The following TAFA5 variants were observed in gnomAD, a reference collection of about 807,000 sequenced individuals.
TAFA5 encodes the protein TAFA chemokine like family member 5.
In TAFA5, 6 loss-of-function variants were observed where a neutral mutation model predicts 15.3. That is an observed-to-expected ratio of 0.39 (90% CI 0.21 to 0.77). The LOEUF (loss-of-function observed/expected upper bound fraction) is 0.77, where lower values mean the gene tolerates loss of function less well. Among genes scored for constraint, TAFA5 ranks in the 30% least tolerant of loss-of-function variants. The probability of loss-of-function intolerance (pLI) is 0.41; values close to 1 mark genes in which losing one functional copy is unlikely to be tolerated. For synonymous variants in TAFA5, 103 were observed against 80.7 expected (o/e 1.28, Z -1.48); for missense variants, 161 against 193.1 (o/e 0.83, Z 0.98).
intron 2 of TAFA5, among the ~76,000 whole-genome samples, chr22:48,658,375 C>T (rs541788927): frequency 5.9e-5 from 9 of 152,360 alleles, no homozygotes; most frequent in South Asian, 2.1e-4. Flanking sequence ...CCATGGCAGA[C>T]GCCAGATGGA....
intron 1 of TAFA5, among the ~76,000 whole-genome samples, chr22:48,643,443 C>T (rs964218765): frequency 3.9e-5 from 6 of 152,112 alleles, no homozygotes; most frequent in African/African-American, 4.8e-5. Context: ...GTTTGGGGAC[C>T]GCCTGGGTGA....
At chr22:48,503,255 G>C (rs1454947160) in intron 1 of TAFA5, among the ~76,000 whole-genome samples, 1 of 152,236 alleles carries the variant, frequency 6.6e-6, no homozygotes, top group Non-Finnish European at 1.5e-5. Flanking sequence ...CGGGAGCATG[G>C]GTGGGGTGTG....
At chr22:48,614,300 G>A (rs1280140432) in intron 1 of TAFA5, among the ~76,000 whole-genome samples, 1 of 152,220 alleles carries the variant, frequency 6.6e-6, no homozygotes, top group Non-Finnish European at 1.5e-5. Flanking sequence ...CCCCACAACT[G>A]TTTATGCCGT....
At position 48,730,790 on chromosome 22, in the gene TAFA5, G is replaced by A. The variant is rs577123621; in HGVS notation, c.391-19049G>A. ...CTGCATTCTGACAGCTCCACTGACC[G>A]GCCAGTCCCGTCTCTCCTCTCCACG... On this transcript the variant is annotated intron_variant, in intron 3 of 3. Transcript: ENST00000402357. Among the ~76,000 whole-genome samples, 10 of 152,182 alleles carry A rather than the reference G, an allele frequency of 6.6e-5. No individual in the cohort carries two copies. In the South Asian group the frequency reaches 1.5e-3, roughly 22 times the overall value.
rs1489285017 is a variant in TAFA5 at position 48,665,837 on chromosome 22, G to A, written c.262+19091G>A. On this transcript the variant is annotated intron_variant, in intron 2 of 3. Coordinates refer to ENST00000402357, the MANE Select transcript of TAFA5 (RefSeq NM_001082967.3). ...CAGGCGCCCTCCCGAGAACGCTAAC[G>A]AACCAGGGCCCTCTCTGTTTTCCTT... Among the ~76,000 whole-genome samples, 5 of 151,974 alleles carry A rather than the reference G, an allele frequency of 3.3e-5. No homozygotes were observed. In the East Asian group the frequency reaches 5.8e-4, roughly 18 times the overall value.
intron 1 of TAFA5, among the ~76,000 whole-genome samples, chr22:48,641,895 A>C (rs1298551196): frequency 2.0e-5 from 3 of 152,176 alleles, no homozygotes; most frequent in Admixed American, 2.0e-4. Context: ...TCTTAAAAGC[A>C]ATGCAAACTC....
At chr22:48,501,167 G>C (rs8136796) in intron 1 of TAFA5, among the ~76,000 whole-genome samples, 26,912 of 152,074 alleles carry the variant, frequency 0.18, 2,815 homozygotes, top group African/African-American at 0.29. Context: ...CCCTCCCTCC[G>C]CGCTGCCACA....
intron 1 of TAFA5, among the ~76,000 whole-genome samples, chr22:48,608,539 A>G (rs77515409): frequency 0.031 from 4,778 of 151,834 alleles, 246 homozygotes; most frequent in African/African-American, 0.11. Context: ...AGCTACGTCT[A>G]TTTTTTCCCC....
At chr22:48,618,375 T>C (rs2147179468) in intron 1 of TAFA5, among the ~76,000 whole-genome samples, 2 of 152,328 alleles carry the variant, frequency 1.3e-5, no homozygotes, top group South Asian at 4.2e-4. Context: ...GTGGGATAGA[T>C]TGAATTAGAA....
At chr22:48,614,781 T>C (rs1170402058) in intron 1 of TAFA5, among the ~76,000 whole-genome samples, 1 of 152,228 alleles carries the variant, frequency 6.6e-6, no homozygotes. Flanking sequence ...TCACACCTTC[T>C]GTGCCGCACA....
At chr22:48,731,090 G>A (rs531955289) in intron 3 of TAFA5, among the ~76,000 whole-genome samples, 3 of 152,166 alleles carry the variant, frequency 2.0e-5, no homozygotes, top group Non-Finnish European at 4.4e-5. Context: ...GATAAGAAAG[G>A]GATAGAAAGT....
intron 1 of TAFA5, among the ~76,000 whole-genome samples, chr22:48,574,540 C>T (rs1053526768): frequency 6.6e-6 from 1 of 152,162 alleles, no homozygotes; most frequent in Non-Finnish European, 1.5e-5. Flanking sequence ...GGCCAGGCCT[C>T]TTTCCCTTCC....
At chr22:48,736,289 A>G (rs564443813) in intron 3 of TAFA5, among the ~76,000 whole-genome samples, 1 of 38,574 alleles carries the variant, frequency 2.6e-5, no homozygotes. Context: ...GCACTCCTAG[A>G]GTCCATCCCC....
chr22:48,682,416 C>T (rs1248656982), intron 2 of TAFA5, among the ~76,000 whole-genome samples: 1 of 152,222 alleles, frequency 6.6e-6, no homozygotes, highest in Non-Finnish European at 1.5e-5. Flanking sequence ...ACCCAGAGCC[C>T]CCTGAAGTTG....
chr22:48,495,412 G>A lies in TAFA5; in HGVS notation c.112+5708G>A, dbSNP rs1467286589. 2.0e-5 allele frequency among the ~76,000 whole-genome samples: 3 copies of A among 152,182 alleles called. No homozygotes were observed. In the South Asian group the frequency reaches 6.2e-4, roughly 32 times the overall value. On this transcript the variant is annotated intron_variant, in intron 1 of 3. Coordinates refer to ENST00000402357, the MANE Select transcript of TAFA5 (RefSeq NM_001082967.3). ...GATGATGGGGGAGCAGCCTGGGCTA[G>A]GCCCCTGTGTTCTGGTGGGTTCTTC... is the stretch of plus-strand genomic sequence containing the variant.
intron 1 of TAFA5, among the ~76,000 whole-genome samples, chr22:48,576,888 G>T (rs1923830649): frequency 6.6e-6 from 1 of 151,926 alleles, no homozygotes; most frequent in African/African-American, 2.4e-5. Flanking sequence ...CTGCCCCACT[G>T]GGCTCGGTGG....
At chr22:48,538,535 C>T (rs1370085343) in intron 1 of TAFA5, among the ~76,000 whole-genome samples, 1 of 152,222 alleles carries the variant, frequency 6.6e-6, no homozygotes, top group Non-Finnish European at 1.5e-5. Context: ...TCTCCCTGCA[C>T]TGGTGCTGCC....
intron 2 of TAFA5, among the ~76,000 whole-genome samples, chr22:48,675,241 T>C (rs552480751): frequency 1.5e-3 from 223 of 152,346 alleles, no homozygotes; most frequent in African/African-American, 5.1e-3. Flanking sequence ...GCCAATGACC[T>C]GCCATCAGAG....
At chr22:48,520,438 C>T (rs1921564590) in intron 1 of TAFA5, among the ~76,000 whole-genome samples, 1 of 152,226 alleles carries the variant, frequency 6.6e-6, no homozygotes, top group Non-Finnish European at 1.5e-5. Flanking sequence ...GTTCCAACAC[C>T]CACCACTTAC....
Sources: allele counts gnomAD v4.1 joint callset (sites outside exome capture counted in the v4.1 genomes callset), GRCh38; gene constraint gnomAD v4.1.1; transcripts MANE v1.5; gene names NCBI Gene and HGNC (gene_info 2026-07-23, HGNC 2026-07-21).